The following NPAS2 variants were observed in gnomAD, a reference collection of about 807,000 sequenced individuals.
NPAS2 encodes neuronal PAS domain protein 2, also known as neuronal PAS domain-containing protein 2.
A neutral mutation model predicts 107.5 loss-of-function variants in NPAS2; 23 were observed. That is an observed-to-expected ratio of 0.21 (90% CI 0.15 to 0.30). NPAS2 has a LOEUF of 0.30. Ranked by LOEUF, NPAS2 falls within the 10% of genes least tolerant of loss-of-function variation. The pLI is 1.00. For synonymous variants in NPAS2, 403 were observed against 417.5 expected, an observed-to-expected ratio of 0.97 and a Z score of 0.42; for missense variants, 756 against 1,043.3, an observed-to-expected ratio of 0.72 and a Z score of 3.79.
intron 1 of NPAS2, among the ~76,000 whole-genome samples, chr2:100,831,305 A>G (rs571881975): frequency 6.6e-6 from 1 of 152,296 alleles, no homozygotes; most frequent in South Asian, 2.1e-4. Flanking sequence ...CAAAAAATAA[A>G]TAAATAAAAA....
intron 7 of NPAS2, among the ~76,000 whole-genome samples, chr2:100,954,566 G>A (rs1223753312): frequency 1.3e-5 from 2 of 151,106 alleles, no homozygotes; most frequent in African/African-American, 4.9e-5. Flanking sequence ...TTGGGAGGCT[G>A]AGGCATATGA....
intron 3 of NPAS2, among the ~76,000 whole-genome samples, chr2:100,931,591 A>C (rs918879377): frequency 1.4e-5 from 2 of 142,614 alleles, no homozygotes; most frequent in Non-Finnish European, 3.0e-5. Flanking sequence ...GATTTATGCC[A>C]TTCTCCTGCC....
chr2:100,912,215 CATTTATTTATTTATTT>C (rs200504991), intron 2 of NPAS2, among the ~76,000 whole-genome samples: 62 of 143,408 alleles, frequency 4.3e-4, no homozygotes, highest in Non-Finnish European at 6.3e-4. Flanking sequence ...CAGTTTGCTC[CATTTATTTATTTATTT>C]ATTTATTTAT....
intron 3 of NPAS2, among the ~76,000 whole-genome samples, chr2:100,930,086 G>A (rs948590598): frequency 6.6e-6 from 1 of 152,194 alleles, no homozygotes; most frequent in African/African-American, 2.4e-5. Flanking sequence ...TCTGTAAATA[G>A]CAGGACATAT....
At chr2:100,934,856 T>C in intron 4 of NPAS2, 1 of 985,454 alleles carries the variant, frequency 1.0e-6, no homozygotes, top group Non-Finnish European at 1.2e-6. Flanking sequence ...CTGTTTTTTT[T>C]CAGAGCCATT....
chr2:100,971,528 G>A (rs1676562281), intron 12 of NPAS2, among the ~76,000 whole-genome samples: 1 of 152,120 alleles, frequency 6.6e-6, no homozygotes, highest in Non-Finnish European at 1.5e-5. Context: ...CTGCCTCCAG[G>A]ACCCAGGCAC....
At position 100,925,293 on chromosome 2, in the gene NPAS2, T is replaced by C. The variant is rs1276795221; in HGVS notation, c.180T>C (p.Asn60=). 1.9e-6 allele frequency: 3 copies of C among 1,613,958 alleles called. No homozygotes were observed. Among genetic ancestry groups the C allele is most frequent in the South Asian group, 2.2e-5 (2 of 91,058 alleles). Residue 60 remains asparagine, a splice_region_variant and synonymous_variant, in exon 3 of 21, where the codon AAT becomes AAC. Transcript: ENST00000335681. The part of the protein sequence containing the change: ...EKVIGFLQKH[N]EVSAQTEICD... ...TCATCGGATTTTTGCAGAAACACAA[T>C]GGTAAAGGTCACCCTTCTCTCTGTT...
intron 1 of NPAS2, among the ~76,000 whole-genome samples, chr2:100,867,263 G>A (rs1679313775): frequency 6.6e-6 from 1 of 152,158 alleles, no homozygotes; most frequent in Non-Finnish European, 1.5e-5. Flanking sequence ...TATCACTTAT[G>A]AGATATGTCA....
intron 1 of NPAS2, among the ~76,000 whole-genome samples, chr2:100,885,225 C>T (rs1055301165): frequency 6.6e-6 from 1 of 152,198 alleles, no homozygotes; most frequent in African/African-American, 2.4e-5. Flanking sequence ...GCTGGGATTA[C>T]AGGCGTGAGC....
At chr2:100,934,811 C>G in intron 4 of NPAS2, 1 of 985,432 alleles carries the variant, frequency 1.0e-6, no homozygotes, top group Non-Finnish European at 1.2e-6. Flanking sequence ...TGCAACCTTC[C>G]CATAGCATGG....
At chr2:100,951,004 G>A (rs1252850313) in intron 7 of NPAS2, among the ~76,000 whole-genome samples, 5 of 152,210 alleles carry the variant, frequency 3.3e-5, no homozygotes, top group African/African-American at 7.2e-5. Context: ...TAACCCTAGC[G>A]CAGTGGTTCT....
rs1684419637 is a variant in NPAS2 at position 100,937,737 on chromosome 2, G to A, written c.274-16G>A. ...ACGCATTGCTAAGGAGCTTTCAAATGTTGCATTTTCCACAGGCATTAGATG... is the reference window on the plus strand; with the variant it reads ...ACGCATTGCTAAGGAGCTTTCAAATATTGCATTTTCCACAGGCATTAGATG... On this transcript the variant is annotated splice_polypyrimidine_tract_variant and intron_variant, in intron 4 of 20. Coordinates refer to ENST00000335681, the MANE Select transcript of NPAS2 (RefSeq NM_002518.4). The A allele has an allele frequency of 1.2e-6, 2 of 1,603,410 alleles. No individual in the cohort carries two copies. Among genetic ancestry groups the A allele is most frequent in the Non-Finnish European group, 1.7e-6 (2 of 1,170,338 alleles).
intron 19 of NPAS2, 113 bp downstream of exon 19, chr2:100,990,985 A>G (rs2105321064): frequency 1.2e-6 from 1 of 846,974 alleles, no homozygotes; most frequent in East Asian, 2.7e-5. Context: ...GCTAAAGGCA[A>G]GGTCTGAGTG....
At chr2:100,953,582 G>A (rs898973204) in intron 7 of NPAS2, among the ~76,000 whole-genome samples, 3 of 152,132 alleles carry the variant, frequency 2.0e-5, no homozygotes, top group Admixed American at 1.3e-4. Context: ...TGCATTGATC[G>A]TGTAATCCTC....
chr2:100,862,533 G>T (rs1374331474), intron 1 of NPAS2, among the ~76,000 whole-genome samples: 1 of 152,154 alleles, frequency 6.6e-6, no homozygotes, highest in African/African-American at 2.4e-5. Context: ...GTCAGGTCTG[G>T]AGGTCAGGGC....
At position 100,944,898 on chromosome 2, in the gene NPAS2, C is replaced by G. The variant is rs566300374; in HGVS notation, c.364-3337C>G. On this transcript the variant is annotated intron_variant, in intron 5 of 20. Transcript: ENST00000335681. ...GGCCAGGCAGCCACTCAGCCTTGCTCTCTGCCACACCCACCGTCAGGGGAA... is the reference window on the plus strand; with the variant it reads ...GGCCAGGCAGCCACTCAGCCTTGCTGTCTGCCACACCCACCGTCAGGGGAA... Among the ~76,000 whole-genome samples, 41 of 152,316 alleles carry G rather than the reference C, an allele frequency of 2.7e-4. 1 individual carries two copies. The highest frequency in any genetic ancestry group is 3.4e-3 in the Middle Eastern group (1 of 294).
intron 1 of NPAS2, among the ~76,000 whole-genome samples, chr2:100,897,773 T>TC: frequency 6.6e-6 from 1 of 152,200 alleles, no homozygotes; most frequent in African/African-American, 2.4e-5. Flanking sequence ...CCTGCAGTTT[T>TC]CCCCAACTCC....
chr2:100,953,742 C>G (rs1277096862), intron 7 of NPAS2, among the ~76,000 whole-genome samples: 1 of 152,204 alleles, frequency 6.6e-6, no homozygotes, highest in Non-Finnish European at 1.5e-5. Flanking sequence ...CCACACTCTT[C>G]ACCCCAGTGC....
intron 1 of NPAS2, among the ~76,000 whole-genome samples, chr2:100,849,226 G>A (rs1393056482): frequency 6.6e-6 from 1 of 152,204 alleles, no homozygotes; most frequent in African/African-American, 2.4e-5. Flanking sequence ...GGTTTAGGGT[G>A]GTAGTTGTGT....
Sources: gnomAD v4.1 joint callset for allele counts (sites outside exome capture counted in the v4.1 genomes callset) on GRCh38, gnomAD v4.1.1 for gene constraint, MANE v1.5 for transcripts, NCBI Gene and HGNC (gene_info 2026-07-23, HGNC 2026-07-21) for gene names.